DOCK1: variants seen among roughly 807,000 people sequenced by gnomAD.
DOCK1 encodes dedicator of cytokinesis 1.
In DOCK1, 138 loss-of-function variants were observed where a neutral mutation model predicts 262.7. The ratio of observed to expected loss-of-function variants is 0.53; its 90% CI spans 0.46 to 0.61. DOCK1 has a LOEUF of 0.61. Among genes scored for constraint, DOCK1 ranks in the 20% least tolerant of loss-of-function variants. The pLI, the probability that DOCK1 is intolerant of heterozygous loss-of-function variation, is 0.00. For synonymous variants in DOCK1, 866 were observed against 867.4 expected, an observed-to-expected ratio of 1.00 and a Z score of 0.03; for missense variants, 1,908 against 2,370.7, an observed-to-expected ratio of 0.80 and a Z score of 4.05.
chr10:126,926,913 T>C (rs990179213), intron 1 of DOCK1, among the ~76,000 whole-genome samples: 2 of 152,196 alleles, frequency 1.3e-5, no homozygotes, highest in Admixed American at 1.3e-4. Flanking sequence ...ATATCTGTTA[T>C]TAGAAGCCAC....
chr10:127,447,191 C>A (rs191625449), intron 50 of DOCK1, among the ~76,000 whole-genome samples: 3 of 152,340 alleles, frequency 2.0e-5, no homozygotes, highest in Admixed American at 2.0e-4. Flanking sequence ...TATTCTCTTT[C>A]TAGAACATTG....
At chr10:127,363,673 T>A (rs2064724004) in intron 33 of DOCK1, among the ~76,000 whole-genome samples, 1 of 152,148 alleles carries the variant, frequency 6.6e-6, no homozygotes, top group African/African-American at 2.4e-5. Flanking sequence ...CTACAGTTTA[T>A]CATTTAAGGG....
chr10:127,086,106 C>A (rs531055097), intron 23 of DOCK1, among the ~76,000 whole-genome samples: 5 of 152,094 alleles, frequency 3.3e-5, no homozygotes, highest in African/African-American at 1.2e-4. Flanking sequence ...TGACTCGGTG[C>A]GGGGATGCAA....
intron 29 of DOCK1, among the ~76,000 whole-genome samples, chr10:127,292,346 G>A (rs2061372824): frequency 6.6e-6 from 1 of 152,112 alleles, no homozygotes; most frequent in African/African-American, 2.4e-5. Context: ...GACTCAGGCA[G>A]CCCTGCTACT....
Position 126,990,538 on chromosome 10 carries a change from T to G in DOCK1, c.408T>G (p.Thr136=). ...GGCGATCACAAATTCTTTCTGGAAC[T>G]CTGCCTCAGGATGAACTCAAAGAAC... ...IEWRSQILSG[T]LPQDELKELK... Residue 136 remains threonine, a synonymous_variant, in exon 6 of 52, where the codon ACT becomes ACG. Transcript: ENST00000623213. 6.2e-7 allele frequency: 1 copy of G among 1,613,920 alleles called. No homozygotes were observed. The highest frequency in any genetic ancestry group is 2.2e-5 in the East Asian group (1 of 44,874).
chr10:127,218,381 T>C (rs560154932), intron 27 of DOCK1, among the ~76,000 whole-genome samples: 1 of 152,294 alleles, frequency 6.6e-6, no homozygotes, highest in South Asian at 2.1e-4. Flanking sequence ...TTTTTTTTGG[T>C]TGGAGGTGGT....
intron 29 of DOCK1, among the ~76,000 whole-genome samples, chr10:127,291,853 A>G (rs573876911): frequency 6.6e-6 from 1 of 152,164 alleles, no homozygotes; most frequent in Non-Finnish European, 1.5e-5. Context: ...ATCATCTTTT[A>G]AACAAGGGTG....
Position 127,438,245 on chromosome 10 carries a change from A to G in DOCK1, c.5061-782A>G, listed in dbSNP as rs1381400559. ...TCTTGTGTTGGAGTGACAAATCACA[A>G]TCATGTGTGGATATGCTTGCACACT... On this transcript the variant is annotated intron_variant, in intron 48 of 51. Coordinates refer to ENST00000623213, the MANE Select transcript of DOCK1 (RefSeq NM_001290223.2). Among the ~76,000 whole-genome samples the G allele has an allele frequency of 3.3e-5, 5 of 152,334 alleles. No individual in the cohort carries two copies. The East Asian group carries it at 9.7e-4, about 29-fold the overall frequency.
chr10:127,037,182 A>ACTCAGTGCAGGCGTGAAC (rs1056751526), intron 18 of DOCK1, among the ~76,000 whole-genome samples: 3 of 152,122 alleles, frequency 2.0e-5, no homozygotes, highest in Non-Finnish European at 1.5e-5. Context: ...CCGGAAGCTC[A>ACTCAGTGCAGGCGTGAAC]CTCAGTGCAG....
chr10:127,171,223 C>T (rs965009836), intron 27 of DOCK1, among the ~76,000 whole-genome samples: 5 of 152,054 alleles, frequency 3.3e-5, no homozygotes, highest in East Asian at 1.9e-4. Flanking sequence ...GAGTCTCTTA[C>T]GAAAAATAAT....
intron 35 of DOCK1, 109 bp from the exon 36 acceptor site, chr10:127,379,973 C>G: frequency 1.3e-6 from 1 of 743,254 alleles, no homozygotes; most frequent in African/African-American, 1.8e-5. Context: ...AGAGCTGGGT[C>G]CATTTGGCTG....
intron 29 of DOCK1, among the ~76,000 whole-genome samples, chr10:127,330,050 C>G (rs1351004706): frequency 1.3e-5 from 2 of 152,184 alleles, no homozygotes; most frequent in Admixed American, 1.3e-4. Context: ...CTTGCTAACT[C>G]CGCGTTGGGG....
intron 1 of DOCK1, among the ~76,000 whole-genome samples, chr10:126,970,316 T>G (rs1031020842): frequency 2.0e-5 from 3 of 152,224 alleles, no homozygotes; most frequent in Non-Finnish European, 2.9e-5. Context: ...ATATCAACAT[T>G]GCTATATGAT....
chr10:127,380,023 C>T, intron 35 of DOCK1, 59 bp from the exon 36 acceptor site: 1 of 1,151,104 alleles, frequency 8.7e-7, no homozygotes, highest in Non-Finnish European at 1.3e-6. Context: ...TTTTATTGTG[C>T]ATGTGATACC....
At chr10:127,329,182 A>G (rs2766059) in intron 29 of DOCK1, among the ~76,000 whole-genome samples, 102,739 of 151,894 alleles carry the variant, frequency 0.68, 36,378 homozygotes, top group African/African-American at 0.9. Context: ...AGCTGATGAC[A>G]CACATTCCTA....
intron 27 of DOCK1, among the ~76,000 whole-genome samples, chr10:127,197,010 G>T (rs1443313059): frequency 2.0e-5 from 3 of 152,156 alleles, no homozygotes; most frequent in Non-Finnish European, 4.4e-5. Context: ...CTTGAAGGGT[G>T]CGTGTCTTGT....
chr10:127,150,819 A>G (rs1318070247), intron 27 of DOCK1, among the ~76,000 whole-genome samples: 3 of 152,244 alleles, frequency 2.0e-5, no homozygotes, highest in Non-Finnish European at 4.4e-5. Context: ...TTCTGATCTC[A>G]GATTCTGCCA....
In DOCK1 at chr10:127,093,253, T is replaced by TCTTTCTTTCTTTCTTTCTTC. The variant is rs1413349857; in HGVS notation, c.2446-12978_2446-12977insCTTTCTTTCTTTCTTTCTTC. 1.6e-3 allele frequency among the ~76,000 whole-genome samples: 209 copies of TCTTTCTTTCTTTCTTTCTTC among 127,564 alleles called. 1 individual carries two copies. The highest frequency in any genetic ancestry group is 6.1e-3 in the African/African-American group (189 of 31,162). The allele number at this position is 127,564 out of a possible 152,430, so 83.7% of individuals were successfully genotyped here. A position where few individuals can be genotyped will look rare whatever the true frequency, so the allele number is the denominator to read the frequency against. On this transcript the variant is annotated intron_variant, in intron 23 of 51. Coordinates refer to ENST00000623213, the MANE Select transcript of DOCK1 (RefSeq NM_001290223.2). Reference sequence around the variant, plus strand: ...TTTCTTTCTTTCTTCTTTTTTTTTTTTTTTTTTTTGGAGACAGGGTCTCGC... The same window carrying TCTTTCTTTCTTTCTTTCTTC: ...TTTCTTTCTTTCTTCTTTTTTTTTTTCTTTCTTTCTTTCTTTCTTCTTTTTTTTTGGAGACAGGGTCTCGC...
chr10:127,434,873 C>T (rs1445972840), intron 48 of DOCK1, among the ~76,000 whole-genome samples: 1 of 152,052 alleles, frequency 6.6e-6, no homozygotes. Flanking sequence ...AGGATGGTCT[C>T]GATCTCCTGA....
Sources: allele counts gnomAD v4.1 joint callset (sites outside exome capture counted in the v4.1 genomes callset), GRCh38; gene constraint gnomAD v4.1.1; transcripts MANE v1.5; gene names NCBI Gene and HGNC (gene_info 2026-07-23, HGNC 2026-07-21).